SPATA6: variants seen among roughly 807,000 people sequenced by gnomAD.
The protein encoded by SPATA6 is spermatogenesis associated 6.
Under a neutral mutation model 65.3 loss-of-function variants are expected in SPATA6, and 56 were observed. The ratio of observed to expected loss-of-function variants is 0.86; its 90% CI spans 0.69 to 1.07. The LOEUF (loss-of-function observed/expected upper bound fraction) is 1.07. SPATA6 is among the 50% of genes least tolerant of loss of function. The pLI, the probability that SPATA6 is intolerant of heterozygous loss-of-function variation, is 0.00. For missense variants in SPATA6, 590 were observed against 594.8 expected (o/e 0.99, Z 0.08); for synonymous variants, 199 against 213.2 (o/e 0.93, Z 0.58).
chr1:48,305,143 T>C (rs1479414889), intron 12 of SPATA6, among the ~76,000 whole-genome samples: 1 of 152,180 alleles, frequency 6.6e-6, no homozygotes, highest in East Asian at 1.9e-4. Context: ...AGATCAGAGA[T>C]TTGAATGCAA....
intron 3 of SPATA6, among the ~76,000 whole-genome samples, chr1:48,441,750 C>T (rs914049346): frequency 5.9e-5 from 9 of 152,194 alleles, no homozygotes; most frequent in African/African-American, 1.4e-4. Flanking sequence ...AGTAGCAAAA[C>T]GCTGGCCTCA....
chr1:48,377,525 C>G (rs569286385), intron 9 of SPATA6, among the ~76,000 whole-genome samples: 1 of 152,146 alleles, frequency 6.6e-6, no homozygotes, highest in Non-Finnish European at 1.5e-5. Flanking sequence ...TTCTCCTCAA[C>G]CAGGTCAAAC....
Position 48,418,244 on chromosome 1 carries a change from T to C in SPATA6, c.239-5093A>G, listed in dbSNP as rs530489378. 2.6e-5 allele frequency among the ~76,000 whole-genome samples: 4 copies of C among 152,232 alleles called. No individual in the cohort carries two copies. The South Asian group carries it at 8.3e-4, about 32-fold the overall frequency. On this transcript the variant is annotated intron_variant, in intron 3 of 12. Transcript: ENST00000371847. Reference sequence around the variant, plus strand: ...TATGAATACATCATGCTTCTTCTAATCTCATTATCAATAAATGGAAGAACA... The same window carrying C: ...TATGAATACATCATGCTTCTTCTAACCTCATTATCAATAAATGGAAGAACA...
chr1:48,371,420 TTA>T, intron 9 of SPATA6, among the ~76,000 whole-genome samples: 1 of 152,172 alleles, frequency 6.6e-6, no homozygotes, highest in Non-Finnish European at 1.5e-5. Flanking sequence ...CATATAATAT[TTA>T]TATGTGTGGA....
intron 3 of SPATA6, among the ~76,000 whole-genome samples, chr1:48,445,999 G>A (rs1023341650): frequency 1.3e-5 from 2 of 152,166 alleles, no homozygotes; most frequent in African/African-American, 4.8e-5. Flanking sequence ...GTCCAATTAG[G>A]AGAGAGAAGC....
intron 3 of SPATA6, among the ~76,000 whole-genome samples, chr1:48,438,629 C>G (rs1655169379): frequency 6.6e-6 from 1 of 152,160 alleles, no homozygotes; most frequent in Non-Finnish European, 1.5e-5. Flanking sequence ...TTACATCACC[C>G]AAGCGAGACT....
intron 11 of SPATA6, among the ~76,000 whole-genome samples, chr1:48,353,593 T>C (rs1289048193): frequency 6.6e-6 from 1 of 151,928 alleles, no homozygotes; most frequent in African/African-American, 2.4e-5. Flanking sequence ...CAAGGAATAT[T>C]ACTAGAGATA....
At chr1:48,278,186 C>T in the SPATA6 span, among the ~76,000 whole-genome samples, 27 of 151,924 alleles carry the variant, frequency 1.8e-4, no homozygotes, top group South Asian at 1.9e-3. Flanking sequence ...ATCTGTACAT[C>T]CCCATCATCA....
intron 3 of SPATA6, among the ~76,000 whole-genome samples, chr1:48,420,986 A>G (rs2148017768): frequency 6.6e-6 from 1 of 152,316 alleles, no homozygotes; most frequent in Non-Finnish European, 1.5e-5. Context: ...ATCTAAAAAA[A>G]ACTATGATAT....
Position 48,305,790 on chromosome 1 carries a change from T to C in SPATA6, c.1283A>G (p.Tyr428Cys). ...TATACATATATTTCATTCATACCTA[T>C]ACTCGGGGTCACTGTCATAGGCAGA... Reference protein sequence around the residue: ...RDSAYDSDPEYSSCQQPRGTF... With the variant: ...RDSAYDSDPECSSCQQPRGTF... Residue 428 changes from tyrosine to cysteine, a missense_variant, in exon 12 of 13, where the codon TAT becomes TGT. Physicochemically the swap from Tyr to Cys is radical, Grantham distance 194. Transcript: ENST00000371847. 1 of 1,608,222 alleles carries C rather than the reference T, an allele frequency of 6.2e-7. No homozygotes were observed. Among genetic ancestry groups the C allele is most frequent in the Non-Finnish European group, 8.5e-7 (1 of 1,176,092 alleles).
chr1:48,281,991 T>G, the SPATA6 span, among the ~76,000 whole-genome samples: 72 of 152,146 alleles, frequency 4.7e-4, no homozygotes, highest in Admixed American at 1.3e-3. Flanking sequence ...CAGAGATATA[T>G]ATCAATGGAA....
chr1:48,398,448 T>G (rs1369664694), intron 7 of SPATA6, among the ~76,000 whole-genome samples: 1 of 151,746 alleles, frequency 6.6e-6, no homozygotes, highest in Non-Finnish European at 1.5e-5. Context: ...CATATTTACA[T>G]GTTGGATGAA....
At chr1:48,325,693 A>C in intron 11 of SPATA6, 1 of 573,648 alleles carries the variant, frequency 1.7e-6, no homozygotes, top group Non-Finnish European at 3.3e-6. Flanking sequence ...CATCCTCTTC[A>C]CCCGTCTTCT....
At chr1:48,461,657 C>T (rs1045874766) in intron 1 of SPATA6, among the ~76,000 whole-genome samples, 1 of 152,156 alleles carries the variant, frequency 6.6e-6, no homozygotes, top group East Asian at 1.9e-4. Flanking sequence ...CCATCTCACA[C>T]CAGTTAGAAT....
intron 3 of SPATA6, among the ~76,000 whole-genome samples, chr1:48,413,863 TAGAGA>T (rs371626175): frequency 3.9e-5 from 6 of 152,164 alleles, no homozygotes; most frequent in African/African-American, 1.4e-4. Flanking sequence ...TAAAGTAAGC[TAGAGA>T]AAAGAAAATG....
At chr1:48,346,634 C>T (rs1391633177) in intron 11 of SPATA6, among the ~76,000 whole-genome samples, 4 of 152,038 alleles carry the variant, frequency 2.6e-5, no homozygotes, top group African/African-American at 9.7e-5. Context: ...GATACAAAAT[C>T]CATGTTCAAA....
chr1:48,307,575 C>A (rs1645092950), intron 11 of SPATA6, among the ~76,000 whole-genome samples: 1 of 151,124 alleles, frequency 6.6e-6, no homozygotes. Flanking sequence ...TGCTTTGTTG[C>A]ACATCTTGTA....
At chr1:48,429,006 G>A (rs960765773) in intron 3 of SPATA6, among the ~76,000 whole-genome samples, 3 of 151,648 alleles carry the variant, frequency 2.0e-5, no homozygotes, top group East Asian at 1.9e-4. Context: ...ACTATAAACC[G>A]TGATCAATTT....
intron 9 of SPATA6, among the ~76,000 whole-genome samples, chr1:48,382,411 G>A (rs1431057553): frequency 9.3e-5 from 13 of 140,124 alleles, no homozygotes; most frequent in Non-Finnish European, 1.9e-4. Context: ...AGGGGCGGCC[G>A]GGCAGAGGCA....
Sources: allele counts gnomAD v4.1 joint callset (sites outside exome capture counted in the v4.1 genomes callset), GRCh38; gene constraint gnomAD v4.1.1; transcripts MANE v1.5; gene names NCBI Gene and HGNC (gene_info 2026-07-23, HGNC 2026-07-21).